The following CLIP1 variants were observed in gnomAD, a reference collection of about 807,000 sequenced individuals.
CLIP1 encodes the protein CAP-Gly domain-containing linker protein 1.
CLIP1 carries 66 observed loss-of-function variants against 161.6 expected under a neutral mutation model. The observed-to-expected ratio is 0.41, with a 90% CI of 0.33 to 0.50. The LOEUF is 0.50. Among genes scored for constraint, CLIP1 ranks in the 20% least tolerant of loss-of-function variants. The probability of loss-of-function intolerance (pLI) is 0.27; values close to 1 mark genes in which losing one functional copy is unlikely to be tolerated. For missense variants in CLIP1, 1,376 were observed against 1,702.0 expected, an observed-to-expected ratio of 0.81 and a Z score of 3.37; for synonymous variants, 598 against 626.2, an observed-to-expected ratio of 0.96 and a Z score of 0.67.
At chr12:122,387,569 TATATATATA>T (rs1955354426) in intron 1 of CLIP1, among the ~76,000 whole-genome samples, 1 of 7,800 alleles carries the variant, frequency 1.3e-4, no homozygotes, top group East Asian at 3.6e-3. Flanking sequence ...TATATATATA[TATATATATA>T]TATATATATA....
At chr12:122,400,912 C>CT (rs56774933) in intron 1 of CLIP1, 116,602 of 139,546 alleles carry the variant, frequency 0.84, 52,633 homozygotes, top group East Asian at 0.99. Context: ...ACTCCGGATC[C>CT]TTTTTTTTTT....
chr12:122,291,188 C>T (rs1388312140), intron 20 of CLIP1, among the ~76,000 whole-genome samples: 5 of 150,234 alleles, frequency 3.3e-5, no homozygotes, highest in Non-Finnish European at 7.4e-5. Flanking sequence ...CTTCTGCGCC[C>T]GACCCTTTTC....
At chr12:122,409,873 T>A (rs943862379) in intron 1 of CLIP1, among the ~76,000 whole-genome samples, 1 of 120,130 alleles carries the variant, frequency 8.3e-6, no homozygotes, top group African/African-American at 2.5e-5. Flanking sequence ...TTGTTATTTT[T>A]ATTTTTTTTT....
intron 9 of CLIP1, among the ~76,000 whole-genome samples, chr12:122,349,160 T>C (rs576629481): frequency 1.2e-4 from 19 of 152,340 alleles, no homozygotes; most frequent in African/African-American, 4.1e-4. Flanking sequence ...AATCCTTATC[T>C]ACATAATTGG....
At chr12:122,312,204 T>C (rs1951084190) in intron 19 of CLIP1, among the ~76,000 whole-genome samples, 1 of 152,262 alleles carries the variant, frequency 6.6e-6, no homozygotes, top group African/African-American at 2.4e-5. Context: ...ATTATCATGC[T>C]AAATGTATTG....
chr12:122,300,377 T>G (rs1358622075), intron 20 of CLIP1, among the ~76,000 whole-genome samples: 1 of 152,134 alleles, frequency 6.6e-6, no homozygotes, highest in Non-Finnish European at 1.5e-5. Flanking sequence ...AAATTTAATT[T>G]TACTTTAACA....
At chr12:122,280,190 C>A (rs1461567140) in intron 21 of CLIP1, 1 of 152,186 alleles carries the variant, frequency 6.6e-6, no homozygotes, top group African/African-American at 2.4e-5. Flanking sequence ...TCTCCTGCCT[C>A]AGCCTCCTGA....
At chr12:122,352,645 C>T (rs1489060000) in intron 8 of CLIP1, 81 bp downstream of exon 8, 15 of 1,274,968 alleles carry the variant, frequency 1.2e-5, no homozygotes, top group Non-Finnish European at 1.6e-5. Context: ...TCTGGCCGCT[C>T]ATTTCAATTG....
chr12:122,351,901 G>T (rs1226562137), intron 8 of CLIP1, among the ~76,000 whole-genome samples: 2 of 152,076 alleles, frequency 1.3e-5, no homozygotes, highest in Non-Finnish European at 2.9e-5. Context: ...GAAAGTAAAA[G>T]AAGTTGAAAT....
At position 122,290,855 on chromosome 12, in the gene CLIP1, TTTC is replaced by T. The variant is rs1378885226; in HGVS notation, c.3595-2317_3595-2315del. Among the ~76,000 whole-genome samples, 6 of 151,686 alleles carry T rather than the reference TTTC, an allele frequency of 4.0e-5. No homozygotes were observed. The East Asian group carries it at 1.2e-3, about 29-fold the overall frequency. On this transcript the variant is annotated intron_variant, in intron 20 of 25. Transcript: ENST00000620786. ...CTGCATCTAGCAGTTTTATTTCTTT[TTTC>T]TTTTTTTTATTTTTTTTTATTTTTT... is the stretch of plus-strand genomic sequence containing the variant.
chr12:122,322,846 G>C (rs1476513708), intron 17 of CLIP1: 4 of 152,620 alleles, frequency 2.6e-5, no homozygotes, highest in Admixed American at 1.3e-4. Flanking sequence ...AACAACACGT[G>C]TTAAGTTGAG....
chr12:122,417,573 C>CCG (rs1430426639), intron 1 of CLIP1, among the ~76,000 whole-genome samples: 2 of 140,732 alleles, frequency 1.4e-5, no homozygotes, highest in African/African-American at 5.2e-5. Context: ...AGTGCAGTGG[C>CCG]GAGATCTCCG....
chr12:122,288,183 C>T (rs1425459019), intron 21 of CLIP1, among the ~76,000 whole-genome samples: 1 of 152,134 alleles, frequency 6.6e-6, no homozygotes, highest in Non-Finnish European at 1.5e-5. Context: ...CAGGCACCTG[C>T]CACTATGCCT....
At chr12:122,415,809 A>G (rs1014603588) in intron 1 of CLIP1, among the ~76,000 whole-genome samples, 2 of 151,364 alleles carry the variant, frequency 1.3e-5, no homozygotes, top group African/African-American at 4.9e-5. Flanking sequence ...ACAGAGGGAG[A>G]CTCCATCTCA....
chr12:122,274,315 C>T (rs575391185), intron 24 of CLIP1, 153 bp from the exon 25 acceptor site: 6 of 585,828 alleles, frequency 1.0e-5, no homozygotes, highest in South Asian at 3.9e-5. Flanking sequence ...TTCACTCTCC[C>T]GGAGGACAGG....
At chr12:122,309,725 A>C in intron 20 of CLIP1, 37 bp downstream of exon 20, 1 of 1,610,934 alleles carries the variant, frequency 6.2e-7, no homozygotes, top group Non-Finnish European at 8.5e-7. Context: ...AGCACCCAGC[A>C]TGGCACAGCT....
chr12:122,362,177 C>T (rs992305224), intron 4 of CLIP1, among the ~76,000 whole-genome samples: 11 of 151,186 alleles, frequency 7.3e-5, no homozygotes, highest in African/African-American at 2.7e-4. Flanking sequence ...TGGTCTCGAA[C>T]TCCTGATCTC....
chr12:122,376,276 T>C (rs1196408657), intron 3 of CLIP1, among the ~76,000 whole-genome samples: 4 of 152,084 alleles, frequency 2.6e-5, no homozygotes, highest in African/African-American at 9.7e-5. Flanking sequence ...CTCACTTTGT[T>C]GCCCAGGTTC....
chr12:122,294,653 C>T (rs1950400901), intron 20 of CLIP1, among the ~76,000 whole-genome samples: 1 of 152,040 alleles, frequency 6.6e-6, no homozygotes, highest in South Asian at 2.1e-4. Context: ...GTCCTAGCTA[C>T]TCAGGAGGCT....
Sources: gnomAD v4.1 joint callset for allele counts (sites outside exome capture counted in the v4.1 genomes callset) on GRCh38, gnomAD v4.1.1 for gene constraint, MANE v1.5 for transcripts, NCBI Gene and HGNC (gene_info 2026-07-23, HGNC 2026-07-21) for gene names.